The following GPC6 variants were observed in gnomAD, a reference collection of about 807,000 sequenced individuals.
The protein encoded by GPC6 is glypican-6.
In GPC6, 14 loss-of-function variants were observed where a neutral mutation model predicts 55.2. The observed-to-expected ratio is 0.25, with a 90% CI of 0.17 to 0.40. GPC6 has a LOEUF of 0.40. Ranked by LOEUF, GPC6 falls within the 10% of genes least tolerant of loss-of-function variation. The pLI is 1.00. For synonymous variants in GPC6, 278 were observed against 259.6 expected (o/e 1.07, Z -0.68); for missense variants, 641 against 708.5 (o/e 0.90, Z 1.08).
At chr13:93,223,221 C>A (rs535260234), upstream of GPC6, among the ~76,000 whole-genome samples, 2 of 152,078 alleles carry the variant, frequency 1.3e-5, no homozygotes, top group African/African-American at 4.8e-5. Context: ...ACAGGGGCTG[C>A]ACGACTCGTC....
chr13:94,121,982 G>A lies in GPC6; in HGVS notation c.877+94088G>A, dbSNP rs558704454. Among the ~76,000 whole-genome samples the A allele has an allele frequency of 2.0e-3, 303 of 151,968 alleles. 3 individuals are homozygous for A. The highest frequency in any genetic ancestry group is 6.9e-3 in the African/African-American group (288 of 41,502). ...AGGATTCAGCATAAGATTTCATTTG[G>A]AAAAAAGAGTCTTGGTGCTACCGTT... On this transcript the variant is annotated intron_variant, in intron 4 of 8. Coordinates refer to ENST00000377047, the MANE Select transcript of GPC6 (RefSeq NM_005708.5).
At chr13:94,147,008 G>A (rs1474702897) in intron 4 of GPC6, among the ~76,000 whole-genome samples, 1 of 152,006 alleles carries the variant, frequency 6.6e-6, no homozygotes, top group African/African-American at 2.4e-5. Flanking sequence ...CCCACTAAAG[G>A]CAGGTTATTA....
rs77848299 is a variant in GPC6, at chr13:93,597,609, C to A, written c.319+52188C>A. Among the ~76,000 whole-genome samples, 3 of 152,102 alleles carry A rather than the reference C, an allele frequency of 2.0e-5. No individual in the cohort carries two copies. The East Asian group carries it at 5.8e-4, about 29-fold the overall frequency. ...CCACCTGTAAGACCGCAAGACCAACCCCCTCTTCTTGCCTCTCCTTAGCCT... is the reference window on the plus strand; with the variant it reads ...CCACCTGTAAGACCGCAAGACCAACACCCTCTTCTTGCCTCTCCTTAGCCT... On this transcript the variant is annotated intron_variant, in intron 2 of 8. Transcript: ENST00000377047.
At chr13:93,621,212 A>G (rs1246580692) in intron 2 of GPC6, among the ~76,000 whole-genome samples, 2 of 152,146 alleles carry the variant, frequency 1.3e-5, no homozygotes, top group African/African-American at 2.4e-5. Context: ...AAGGGAAAAG[A>G]GCAATGAAGA....
intron 3 of GPC6, among the ~76,000 whole-genome samples, chr13:93,874,503 T>A (rs916571638): frequency 2.6e-5 from 4 of 151,294 alleles, no homozygotes; most frequent in African/African-American, 4.9e-5. Context: ...AGTGTAGCAG[T>A]CATGTTTTAA....
intron 1 of GPC6, among the ~76,000 whole-genome samples, chr13:93,449,026 C>T (rs1398526391): frequency 2.6e-5 from 4 of 152,228 alleles, no homozygotes; most frequent in Admixed American, 2.0e-4. Flanking sequence ...GCTAAGGGCA[C>T]TGTACTGTGT....
At chr13:94,012,746 A>G (rs887674426) in intron 3 of GPC6, among the ~76,000 whole-genome samples, 1 of 152,198 alleles carries the variant, frequency 6.6e-6, no homozygotes, top group African/African-American at 2.4e-5. Context: ...AAAATGGCAC[A>G]TCCCCTTACT....
At chr13:93,566,633 G>T (rs748110465) in intron 2 of GPC6, among the ~76,000 whole-genome samples, 12 of 151,760 alleles carry the variant, frequency 7.9e-5, no homozygotes, top group Non-Finnish European at 1.5e-4. Context: ...TGTTACATAG[G>T]TAAGCATGTG....
intron 1 of GPC6, among the ~76,000 whole-genome samples, chr13:93,503,855 T>C (rs1457863315): frequency 6.6e-6 from 1 of 152,156 alleles, no homozygotes; most frequent in Non-Finnish European, 1.5e-5. Flanking sequence ...GTGACATTTT[T>C]GGTGGATGAC....
At chr13:94,045,198 C>T (rs1192708125) in intron 4 of GPC6, among the ~76,000 whole-genome samples, 3 of 151,832 alleles carry the variant, frequency 2.0e-5, no homozygotes, top group East Asian at 1.9e-4. Context: ...TCTGTAATAA[C>T]AGCAATTATG....
chr13:93,359,193 T>C (rs947781869), intron 1 of GPC6, among the ~76,000 whole-genome samples: 2 of 152,110 alleles, frequency 1.3e-5, no homozygotes, highest in African/African-American at 4.8e-5. Flanking sequence ...CTCAAATTCC[T>C]TGGCTGAAGC....
rs187220769 is a variant in GPC6 at position 93,500,503 on chromosome 13, A to G, written c.161-44760A>G. 1.4e-4 allele frequency among the ~76,000 whole-genome samples: 15 copies of G among 107,336 alleles called. No homozygotes were observed. In the East Asian group the frequency reaches 4.0e-3, roughly 28 times the overall value. The allele number at this position is 107,336 out of a possible 152,430, so 70.4% of individuals were successfully genotyped here. On this transcript the variant is annotated intron_variant, in intron 1 of 8. Transcript: ENST00000377047. ...AAGCAGTGAAAAAACTCATTTCTAT[A>G]TGAAAGGCATCCAAACTGCAAAAAA...
intron 2 of GPC6, among the ~76,000 whole-genome samples, chr13:93,823,116 G>T (rs992281263): frequency 1.3e-5 from 2 of 151,954 alleles, no homozygotes; most frequent in African/African-American, 2.4e-5. Context: ...GCCTGCCATG[G>T]CCTTTCAAAG....
intron 3 of GPC6, among the ~76,000 whole-genome samples, chr13:93,919,094 G>A (rs1325390832): frequency 1.3e-5 from 2 of 152,040 alleles, no homozygotes; most frequent in African/African-American, 4.8e-5. Context: ...AGATCTGGTT[G>A]TCTAAAAAGT....
intron 1 of GPC6, among the ~76,000 whole-genome samples, chr13:93,473,576 T>C (rs1879203099): frequency 6.6e-6 from 1 of 152,162 alleles, no homozygotes; most frequent in Admixed American, 6.5e-5. Flanking sequence ...GTGGAGCGCA[T>C]GCATATGCAC....
chr13:93,676,126 A>AATATAT (rs764101821), intron 2 of GPC6, among the ~76,000 whole-genome samples: 5 of 15,666 alleles, frequency 3.2e-4, no homozygotes, highest in Admixed American at 2.5e-3. Context: ...AAAAAAAAAA[A>AATATAT]ATATATATAT....
At chr13:93,409,512 C>T (rs1876417670) in intron 1 of GPC6, among the ~76,000 whole-genome samples, 1 of 152,152 alleles carries the variant, frequency 6.6e-6, no homozygotes, top group Non-Finnish European at 1.5e-5. Flanking sequence ...GTTGCCTCAA[C>T]TAGGGATGGC....
chr13:93,598,315 A>G (rs774998023), intron 2 of GPC6, among the ~76,000 whole-genome samples: 21 of 152,106 alleles, frequency 1.4e-4, no homozygotes, highest in Non-Finnish European at 2.6e-4. Flanking sequence ...CTCTGTTATG[A>G]ATACTTAGGA....
intron 1 of GPC6, among the ~76,000 whole-genome samples, chr13:93,242,709 A>G (rs183423957): frequency 6.6e-6 from 1 of 152,282 alleles, no homozygotes; most frequent in East Asian, 1.9e-4. Context: ...CTAGCCCACA[A>G]GCAGCAAGTT....
Sources: gnomAD v4.1 joint callset for allele counts (sites outside exome capture counted in the v4.1 genomes callset) on GRCh38, gnomAD v4.1.1 for gene constraint, MANE v1.5 for transcripts, NCBI Gene and HGNC (gene_info 2026-07-23, HGNC 2026-07-21) for gene names.